The following GSTM5 variants were observed in gnomAD, a reference collection of about 807,000 sequenced individuals.
The protein encoded by GSTM5 is GST class-mu 5.
A neutral mutation model predicts 29.0 loss-of-function variants in GSTM5; 24 were observed. The observed-to-expected ratio is 0.83, with a 90% CI of 0.60 to 1.16. The LOEUF (loss-of-function observed/expected upper bound fraction) is 1.16. GSTM5 is among the 50% of genes most tolerant of loss of function. The pLI, the probability that GSTM5 is intolerant of heterozygous loss-of-function variation, is 0.00. For missense variants in GSTM5, 290 were observed against 263.0 expected (o/e 1.10, Z -0.71); for synonymous variants, 91 against 93.6 (o/e 0.97, Z 0.16).
At chr1:109,713,297 A>G in intron 3 of GSTM5, 114 bp downstream of exon 3, 1 of 1,498,174 alleles carries the variant, frequency 6.7e-7, no homozygotes, top group Non-Finnish European at 9.3e-7. Context: ...AATTCCTCTC[A>G]CTCTTGGCTG....
intron 7 of GSTM5, 123 bp downstream of exon 7, chr1:109,715,363 A>G: frequency 6.3e-7 from 1 of 1,597,920 alleles, no homozygotes; most frequent in South Asian, 1.1e-5. Flanking sequence ...GCTTCATGCC[A>G]GGAATCATGC....
At position 109,717,749 on chromosome 1, in the gene GSTM5, C is replaced by A; in HGVS notation, c.*323C>A. The A allele has an allele frequency of 3.5e-6, 1 of 289,270 alleles. No homozygotes were observed. Among genetic ancestry groups the A allele is most frequent in the Non-Finnish European group, 6.8e-6 (1 of 147,964 alleles). 17.9% of individuals were successfully genotyped at this position (289,270 alleles called of 1,614,324 possible). On this transcript the variant is annotated 3_prime_UTR_variant, in exon 8 of 8. Coordinates refer to ENST00000256593, the MANE Select transcript of GSTM5 (RefSeq NM_000851.4). Reference sequence around the variant, plus strand: ...CCAGACTGATCTCTGAGCTCCCTAGCACTGTCCTCAAAGACCATCTGTATG... The same window carrying A: ...CCAGACTGATCTCTGAGCTCCCTAGAACTGTCCTCAAAGACCATCTGTATG...
At chr1:109,713,360 CAG>C (rs1233563252) in intron 3 of GSTM5, 122 bp from the exon 4 acceptor site, 1 of 1,424,472 alleles carries the variant, frequency 7.0e-7, no homozygotes, top group African/African-American at 1.4e-5. Context: ...ATTAGTGTGA[CAG>C]TATTTCTATC....
At chr1:109,713,877 A>G (rs1463857682) in intron 5 of GSTM5, 116 bp downstream of exon 5, 3 of 535,806 alleles carry the variant, frequency 5.6e-6, no homozygotes, top group Admixed American at 4.6e-5. Context: ...GGAGACGTCT[A>G]TAACCTGGTT....
chr1:109,714,917 G>A, intron 5 of GSTM5, 30 bp from the exon 6 acceptor site: 1 of 1,612,130 alleles, frequency 6.2e-7, no homozygotes. Flanking sequence ...GCTTTTGTCT[G>A]AGGGTGGTGA....
At chr1:109,712,952 A>T in intron 2 of GSTM5, 167 bp from the exon 3 acceptor site, 1 of 941,748 alleles carries the variant, frequency 1.1e-6, no homozygotes, top group Non-Finnish European at 1.7e-6. Context: ...TGTGGGGTCC[A>T]GAGCCCTCAG....
At chr1:109,712,239 C>T (rs1417954757), upstream of GSTM5, 1 of 1,509,558 alleles carries the variant, frequency 6.6e-7, no homozygotes, top group Non-Finnish European at 9.2e-7. Flanking sequence ...CCCCGCCTGT[C>T]CCCTCCTGGG....
chr1:109,713,982 G>A, intron 5 of GSTM5: 1 of 416,060 alleles, frequency 2.4e-6, no homozygotes, highest in Non-Finnish European at 4.4e-6. Context: ...AACTGGTCAT[G>A]ATCTGCTACC....
At chr1:109,713,592 G>A (rs773188187) in intron 4 of GSTM5, 27 bp downstream of exon 4, 2 of 1,614,088 alleles carry the variant, frequency 1.2e-6, no homozygotes, top group Non-Finnish European at 1.7e-6. Flanking sequence ...GCAATGTGCG[G>A]GGGGAAGGTG....
Position 109,713,505 on chromosome 1 carries a change from G to C in GSTM5, c.199G>C (p.Ala67Pro). The C allele has an allele frequency of 1.9e-6, 3 of 1,603,054 alleles. No homozygotes were observed. The highest frequency in any genetic ancestry group is 2.2e-5 in the South Asian group (2 of 90,806). ...FPNLPYLIDG[A>P]HKITQSNAIL... ...CCAGCTGCCCTACTTGATTGATGGG[G>C]CTCACAAGATCACCCAGAGCAATGC... The change falls in exon 4 of 8, where the codon GCT (alanine) becomes CCT (proline). Residue 67 changes from alanine (A) to proline (P), a missense_variant. Ala to Pro is a conservative substitution (Grantham distance 27, BLOSUM62 -1). Coordinates refer to ENST00000256593, the MANE Select transcript of GSTM5 (RefSeq NM_000851.4).
At chr1:109,712,731 G>A in intron 2 of GSTM5, 38 bp downstream of exon 2, 4 of 1,606,954 alleles carry the variant, frequency 2.5e-6, no homozygotes, top group South Asian at 1.1e-5. Context: ...GCCCACTCAC[G>A]CTGAGTTGGC....
intron 7 of GSTM5, chr1:109,716,168 AGTT>A (rs1022974613): frequency 2.0e-5 from 5 of 256,248 alleles, no homozygotes; most frequent in Non-Finnish European, 3.8e-5. Context: ...CCTGTGTTGA[AGTT>A]GTTTGAGAGC....
In GSTM5 at chr1:109,712,842, G is replaced by A. The variant is rs538569476; in HGVS notation, c.112+149G>A. 4.3e-4 allele frequency: 420 copies of A among 971,806 alleles called. 3 individuals carry two copies. The African/African-American group carries it at 5.7e-3, about 13-fold the overall frequency. The allele number at this position is 971,806 out of a possible 1,614,324, so 60.2% of individuals were successfully genotyped here. A position where few individuals can be genotyped will look rare whatever the true frequency, so the allele number is the denominator to read the frequency against. On this transcript the variant is annotated intron_variant, in intron 2 of 7. Transcript: ENST00000256593. Reference sequence around the variant, plus strand: ...CTGAGCTCCCGTGAGTGAGCCCTCTGGCCTTGCAAGGCAGAATGCTGGGGC... The same window carrying A: ...CTGAGCTCCCGTGAGTGAGCCCTCTAGCCTTGCAAGGCAGAATGCTGGGGC...
chr1:109,713,872 C>T (rs1468398260), intron 5 of GSTM5, 111 bp downstream of exon 5: 48 of 612,852 alleles, frequency 7.8e-5, no homozygotes, highest in South Asian at 2.0e-4. Context: ...TGACTGGAGA[C>T]GTCTATAACC....
In GSTM5 at chr1:109,718,268, A is replaced by G. The variant is rs1557973761; in HGVS notation, c.*842A>G. The G allele has an allele frequency of 6.6e-6, 1 of 152,228 alleles. No homozygotes were observed. The highest frequency in any genetic ancestry group is 1.5e-5 in the Non-Finnish European group (1 of 68,036). The allele number at this position is 152,228 out of a possible 1,614,324, so 9.4% of individuals were successfully genotyped here. ...ATAAAACGTATCCCACCGTATTGTA[A>G]TCATGGTACTTGTTTTTCACCCAAA... On this transcript the variant is annotated 3_prime_UTR_variant, in exon 8 of 8. Coordinates refer to ENST00000256593, the MANE Select transcript of GSTM5 (RefSeq NM_000851.4).
At chr1:109,713,450 C>T in intron 3 of GSTM5, 34 bp from the exon 4 acceptor site, 1 of 1,614,006 alleles carries the variant, frequency 6.2e-7, no homozygotes, top group Non-Finnish European at 8.5e-7. Flanking sequence ...GCCTGGTGGC[C>T]CAACTGAGCT....
intron 7 of GSTM5, chr1:109,717,132 T>TCCTA: frequency 9.1e-6 from 3 of 330,688 alleles, no homozygotes; most frequent in South Asian, 1.3e-4. Context: ...AAATGGTAGC[T>TCCTA]GTTATTATGG....
At chr1:109,717,076 A>C in intron 7 of GSTM5, 1 of 305,466 alleles carries the variant, frequency 3.3e-6, no homozygotes, top group East Asian at 6.6e-5. Flanking sequence ...CCTGTGTTGT[A>C]ATTTCTGTTG....
rs1648680775 is a variant in GSTM5 at position 109,714,640 on chromosome 1, T to TG, written c.361-306dup. 12 of 432,512 alleles carry TG rather than the reference T, an allele frequency of 2.8e-5. No individual in the cohort carries two copies. The Admixed American group carries it at 4.5e-4, about 16-fold the overall frequency. 26.8% of individuals were successfully genotyped at this position (432,512 alleles called of 1,614,324 possible). A position where few individuals can be genotyped will look rare whatever the true frequency, so the allele number is the denominator to read the frequency against. On this transcript the variant is annotated intron_variant, in intron 5 of 7. Transcript: ENST00000256593. ...TTCTTTGCATCCTTGATTCTGCCCC[T>TG]GTCTGGATCCAGAGGCTGCCAGGTG...
Sources: gnomAD v4.1 joint callset for allele counts on GRCh38, gnomAD v4.1.1 for gene constraint, MANE v1.5 for transcripts, NCBI Gene and HGNC (gene_info 2026-07-23, HGNC 2026-07-21) for gene names.